The following RERE variants were observed in gnomAD, a reference collection of about 807,000 sequenced individuals.
RERE encodes the protein arginine-glutamic acid dipeptide repeats.
RERE carries 40 observed loss-of-function variants against 146.1 expected under a neutral mutation model. The observed-to-expected ratio is 0.27, with a 90% CI of 0.21 to 0.36. The LOEUF (loss-of-function observed/expected upper bound fraction) is 0.36. Ranked by LOEUF, RERE falls within the 10% of genes least tolerant of loss-of-function variation. The pLI is 1.00. For synonymous variants in RERE, 1,003 were observed against 866.0 expected, an observed-to-expected ratio of 1.16 and a Z score of -2.78; for missense variants, 1,933 against 2,138.7, an observed-to-expected ratio of 0.90 and a Z score of 1.90.
chr1:8,627,923 T>C (rs533195073), intron 2 of RERE, among the ~76,000 whole-genome samples: 1 of 152,342 alleles, frequency 6.6e-6, no homozygotes, highest in Non-Finnish European at 1.5e-5. Context: ...CAAGCACATC[T>C]GTTTGCCTAA....
At chr1:8,378,429 G>C (rs758201403) in intron 12 of RERE, among the ~76,000 whole-genome samples, 1 of 152,178 alleles carries the variant, frequency 6.6e-6, no homozygotes, top group Non-Finnish European at 1.5e-5. Flanking sequence ...AAATTCCTAC[G>C]TTGAAGCTCT....
chr1:8,410,687 A>G (rs1317767339), intron 12 of RERE, among the ~76,000 whole-genome samples: 1 of 152,238 alleles, frequency 6.6e-6, no homozygotes, highest in Non-Finnish European at 1.5e-5. Context: ...AACAAGTTTT[A>G]ACATTGAAAA....
intron 1 of RERE, among the ~76,000 whole-genome samples, chr1:8,767,901 G>C (rs1314916145): frequency 6.6e-6 from 1 of 152,080 alleles, no homozygotes; most frequent in Non-Finnish European, 1.5e-5. Context: ...AGGAGGCGGA[G>C]GTTGCAGGGA....
At chr1:8,648,099 T>C (rs1391648957) in intron 2 of RERE, among the ~76,000 whole-genome samples, 2 of 152,214 alleles carry the variant, frequency 1.3e-5, no homozygotes, top group Admixed American at 6.5e-5. Context: ...TTCTGTTCCC[T>C]GTACCCATAG....
intron 1 of RERE, among the ~76,000 whole-genome samples, chr1:8,790,314 T>C (rs1641342013): frequency 6.6e-6 from 1 of 152,214 alleles, no homozygotes; most frequent in South Asian, 2.1e-4. Context: ...GTTCCTAATG[T>C]GGGCAAACCC....
intron 1 of RERE, among the ~76,000 whole-genome samples, chr1:8,779,071 T>C (rs1641119395): frequency 6.7e-6 from 1 of 150,314 alleles, no homozygotes; most frequent in South Asian, 2.2e-4. Flanking sequence ...GGTCTCGAAC[T>C]CCTGACCTCA....
chr1:8,430,973 G>A lies in RERE; in HGVS notation c.1204-8166C>T, dbSNP rs146189950. ...GTATTAACTCATGCCATTAAAGTCC[G>A]TAGATGCCATAGGGTGACCCAGAGC... On this transcript the variant is annotated intron_variant, in intron 11 of 22. Coordinates refer to ENST00000400908, the MANE Select transcript of RERE (RefSeq NM_001042681.2). Among the ~76,000 whole-genome samples, 25 of 152,310 alleles carry A rather than the reference G, an allele frequency of 1.6e-4. 1 individual carries two copies. Among genetic ancestry groups the A allele is most frequent in the East Asian group, 5.8e-4 (3 of 5,190 alleles).
At chr1:8,655,285 C>A (rs1412975645) in intron 2 of RERE, among the ~76,000 whole-genome samples, 1 of 151,766 alleles carries the variant, frequency 6.6e-6, no homozygotes, top group Non-Finnish European at 1.5e-5. Flanking sequence ...CGGCTGACTG[C>A]AACCTCCACC....
chr1:8,728,003 A>G (rs1242326373), intron 1 of RERE, among the ~76,000 whole-genome samples: 2 of 152,242 alleles, frequency 1.3e-5, no homozygotes, highest in African/African-American at 2.4e-5. Flanking sequence ...ATTTGACCAC[A>G]TGCACACGAA....
chr1:8,769,285 A>C (rs570348755), intron 1 of RERE, among the ~76,000 whole-genome samples: 1 of 152,316 alleles, frequency 6.6e-6, no homozygotes, highest in Admixed American at 6.5e-5. Flanking sequence ...ACAATCATAT[A>C]TAGAAGATTT....
chr1:8,401,327 G>A (rs1012208314), intron 12 of RERE, among the ~76,000 whole-genome samples: 1 of 151,714 alleles, frequency 6.6e-6, no homozygotes, highest in Non-Finnish European at 1.5e-5. Flanking sequence ...TCAAAAGATG[G>A]GGTCTTCCAG....
intron 2 of RERE, among the ~76,000 whole-genome samples, chr1:8,636,350 G>T (rs1269514819): frequency 1.3e-5 from 2 of 151,992 alleles, no homozygotes; most frequent in Non-Finnish European, 2.9e-5. Context: ...TGCTAGCTGG[G>T]CCCAATATTT....
At chr1:8,435,157 G>C (rs1426603602) in intron 11 of RERE, among the ~76,000 whole-genome samples, 1 of 152,204 alleles carries the variant, frequency 6.6e-6, no homozygotes, top group African/African-American at 2.4e-5. Context: ...ATCTTCCAAT[G>C]ATGCTTCCCC....
chr1:8,772,722 G>A (rs1445726135), intron 1 of RERE, among the ~76,000 whole-genome samples: 1 of 152,112 alleles, frequency 6.6e-6, no homozygotes, highest in East Asian at 1.9e-4. Flanking sequence ...AGAGGTTGCA[G>A]TAAGCTGAGA....
intron 9 of RERE, among the ~76,000 whole-genome samples, chr1:8,496,150 T>TAAAAAAAAAAAAAAAAAAAAA (rs36115213): frequency 2.5e-5 from 3 of 118,426 alleles, no homozygotes; most frequent in African/African-American, 1.0e-4. Flanking sequence ...GACCCTGTCT[T>TAAAAAAAAAAAAAAAAAAAAA]AAAAAAAAAA....
At position 8,423,051 on chromosome 1, in the gene RERE, C is replaced by A. The variant is rs1643936354; in HGVS notation, c.1204-244G>T. 1 of 481,812 alleles carries A rather than the reference C, an allele frequency of 2.1e-6. No individual in the cohort carries two copies. Among genetic ancestry groups the A allele is most frequent in the African/African-American group, 1.9e-5 (1 of 51,830 alleles). 29.8% of individuals were successfully genotyped at this position (481,812 alleles called of 1,614,324 possible). ...CAGGGCAGCGCGTTTAAGAGAAGGA[C>A]GTCCTGCGTCTGAGGCTAAGAAGCA... On this transcript the variant is annotated intron_variant, in intron 11 of 22. Transcript: ENST00000400908. This position sits in a 1 kb window ranked among gnomAD's most constrained non-coding sequence, Gnocchi z 5.4.
intron 10 of RERE, among the ~76,000 whole-genome samples, chr1:8,491,180 C>T (rs1159893896): frequency 6.6e-6 from 1 of 150,636 alleles, no homozygotes; most frequent in African/African-American, 2.5e-5. Context: ...GTGGCTCACG[C>T]CTGTAATCCC....
At chr1:8,686,544 G>A (rs1385473724) in intron 1 of RERE, among the ~76,000 whole-genome samples, 1 of 152,184 alleles carries the variant, frequency 6.6e-6, no homozygotes, top group Non-Finnish European at 1.5e-5. Context: ...GAGGTCAGGA[G>A]TTCAAGACCA....
At chr1:8,800,943 G>A (rs1002972109) in intron 1 of RERE, among the ~76,000 whole-genome samples, 1 of 150,680 alleles carries the variant, frequency 6.6e-6, no homozygotes, top group Non-Finnish European at 1.5e-5. Flanking sequence ...CCACCTGGGT[G>A]ATACAGCAAG....
Sources: gnomAD v4.1 joint callset for allele counts (sites outside exome capture counted in the v4.1 genomes callset) on GRCh38, gnomAD v4.1.1 for gene constraint, Gnocchi (gnomAD v3.1) non-coding constraint, MANE v1.5 for transcripts, NCBI Gene and HGNC (gene_info 2026-07-23, HGNC 2026-07-21) for gene names.